The following KDM2A variants were observed in gnomAD, a reference collection of about 807,000 sequenced individuals.
The protein encoded by KDM2A is lysine-specific demethylase 2A.
In KDM2A, 3 loss-of-function variants were observed where a neutral mutation model predicts 137.3. The ratio of observed to expected loss-of-function variants is 0.02; its 90% CI spans 0.01 to 0.06. The LOEUF (loss-of-function observed/expected upper bound fraction) is 0.06. KDM2A is among the 10% of genes least tolerant of loss of function. The pLI is 1.00. For missense variants in KDM2A, 738 were observed against 1,510.6 expected (o/e 0.49, Z 8.48); for synonymous variants, 512 against 541.5 (o/e 0.95, Z 0.76).
rs190080949 is a variant in KDM2A at position 67,163,120 on chromosome 11, A to G, written c.43-16959A>G. ...TTCTGCCCTAGTCAGACTGATATCC[A>G]GAATTTTGCTCTTGCATAACTTCAT... On this transcript the variant is annotated intron_variant, in intron 2 of 20. Transcript: ENST00000529006. 8.4e-4 allele frequency among the ~76,000 whole-genome samples: 128 copies of G among 152,326 alleles called. No individual in the cohort carries two copies. In the Middle Eastern group the frequency reaches 0.01, roughly 12 times the overall value.
intron 15 of KDM2A, among the ~76,000 whole-genome samples, chr11:67,247,065 ATATATATTTTTTTTT>A (rs1173826877): frequency 3.6e-5 from 1 of 27,582 alleles, no homozygotes; most frequent in Non-Finnish European, 6.5e-5. Context: ...ATATATATAT[ATATATATTTTTTTTT>A]TTTTTTTTTT....
At chr11:67,160,271 T>C (rs771807475) in intron 2 of KDM2A, among the ~76,000 whole-genome samples, 1 of 152,208 alleles carries the variant, frequency 6.6e-6, no homozygotes, top group South Asian at 2.1e-4. Context: ...ATTATTGATG[T>C]CTCTGGGTAT....
intron 2 of KDM2A, among the ~76,000 whole-genome samples, chr11:67,175,918 A>G (rs1227334567): frequency 6.6e-6 from 1 of 152,172 alleles, no homozygotes; most frequent in African/African-American, 2.4e-5. Context: ...AGACACATAT[A>G]CAAAATAAGG....
At chr11:67,187,387 C>A (rs1054196404) in intron 5 of KDM2A, among the ~76,000 whole-genome samples, 1 of 151,988 alleles carries the variant, frequency 6.6e-6, no homozygotes, top group African/African-American at 2.4e-5. Context: ...CATGACACAA[C>A]TATATGCTGT....
chr11:67,251,967 C>G (rs966485236), intron 17 of KDM2A, among the ~76,000 whole-genome samples: 1 of 152,180 alleles, frequency 6.6e-6, no homozygotes, highest in Non-Finnish European at 1.5e-5. Context: ...TCTCTCTTCC[C>G]CTGCCAACCA....
intron 2 of KDM2A, among the ~76,000 whole-genome samples, chr11:67,169,828 G>T (rs576683797): frequency 7.3e-6 from 1 of 137,150 alleles, no homozygotes; most frequent in Non-Finnish European, 1.5e-5. Context: ...CGAGATCTCG[G>T]CTCACTGCAA....
At chr11:67,213,988 A>G (rs988217639) in intron 6 of KDM2A, among the ~76,000 whole-genome samples, 2 of 151,910 alleles carry the variant, frequency 1.3e-5, no homozygotes, top group African/African-American at 2.4e-5. Context: ...TTAGCCTCAC[A>G]AGTAGCTAGG....
chr11:67,125,463 A>G (rs188430310), intron 2 of KDM2A, among the ~76,000 whole-genome samples: 1 of 150,906 alleles, frequency 6.6e-6, no homozygotes, highest in East Asian at 2.0e-4. Context: ...TTTGGGGGGA[A>G]AAAAAAATCA....
At chr11:67,147,125 A>C (rs1039249298) in intron 2 of KDM2A, among the ~76,000 whole-genome samples, 1 of 152,184 alleles carries the variant, frequency 6.6e-6, no homozygotes, top group Non-Finnish European at 1.5e-5. Flanking sequence ...GTATGTCATC[A>C]ACTTAAAAAT....
chr11:67,183,473 C>A (rs1015343069), intron 5 of KDM2A, among the ~76,000 whole-genome samples: 1 of 152,208 alleles, frequency 6.6e-6, no homozygotes, highest in Non-Finnish European at 1.5e-5. Context: ...TAGCAAGCAC[C>A]AGGAACTTTT....
chr11:67,255,001 C>T lies in KDM2A; in HGVS notation c.3435C>T (p.Ser1145=). The T allele has an allele frequency of 6.2e-7, 1 of 1,613,452 alleles. No homozygotes were observed. Among genetic ancestry groups the T allele is most frequent in the Non-Finnish European group, 8.5e-7 (1 of 1,179,674 alleles). ...KACEHFISDL[S]INSLYCLSDE... The stretch of plus-strand genomic sequence containing the variant: ...GCGAGCACTTCATCTCAGACTTGTC[C>T]ATCAACAGCCTCTACTGCCTGTCTG... The change falls in exon 21 of 21, where the codon TCC becomes TCT. Residue 1145 remains serine, a synonymous_variant. Transcript: ENST00000529006.
Position 67,222,324 on chromosome 11 carries a change from C to T in KDM2A, c.957+2921C>T, listed in dbSNP as rs1858388315. 9.8e-5 allele frequency among the ~76,000 whole-genome samples: 5 copies of T among 50,846 alleles called. No homozygotes were observed. In the South Asian group the frequency reaches 3.3e-3, roughly 34 times the overall value. The allele number at this position is 50,846 out of a possible 152,430, so 33.4% of individuals were successfully genotyped here. On this transcript the variant is annotated intron_variant, in intron 10 of 20. Coordinates refer to ENST00000529006, the MANE Select transcript of KDM2A (RefSeq NM_012308.3). ...CATCTGTTTAACAAAGCACATCTTG[C>T]ACCGCCCTTAATCCATTTAACCCTG...
chr11:67,160,198 GC>G lies in KDM2A; in HGVS notation c.43-19880del, dbSNP rs776374880. On this transcript the variant is annotated intron_variant, in intron 2 of 20. Coordinates refer to ENST00000529006, the MANE Select transcript of KDM2A (RefSeq NM_012308.3). ...TATAGTTCAGTTCTGTTAGGAACAG[GC>G]AGTGATGTTGTATTTTAGCAATTGC... Among the ~76,000 whole-genome samples the G allele has an allele frequency of 1.1e-4, 17 of 152,290 alleles. No homozygotes were observed. In the South Asian group the frequency reaches 3.5e-3, roughly 32 times the overall value.
intron 12 of KDM2A, among the ~76,000 whole-genome samples, chr11:67,239,660 A>C (rs1858966904): frequency 6.6e-6 from 1 of 152,228 alleles, no homozygotes; most frequent in African/African-American, 2.4e-5. Flanking sequence ...GTGTGTGTGC[A>C]GTCAGCCAGA....
At chr11:67,122,633 TTTTA>T (rs879322643) in intron 2 of KDM2A, among the ~76,000 whole-genome samples, 14 of 147,868 alleles carry the variant, frequency 9.5e-5, no homozygotes, top group East Asian at 2.0e-4. Flanking sequence ...ATGGCCTATT[TTTTA>T]TTTATTTTTA....
intron 2 of KDM2A, among the ~76,000 whole-genome samples, chr11:67,161,054 G>A (rs1288321035): frequency 6.6e-6 from 1 of 152,108 alleles, no homozygotes; most frequent in African/African-American, 2.4e-5. Flanking sequence ...TTTTGCCTGA[G>A]TTAACTGTGG....
chr11:67,244,934 C>T (rs1279566904), intron 13 of KDM2A: 6 of 396,224 alleles, frequency 1.5e-5, no homozygotes, highest in South Asian at 3.3e-5. Context: ...TGCAGTGAGC[C>T]GAGATCATGC....
At chr11:67,178,428 T>C (rs1338969204) in intron 2 of KDM2A, among the ~76,000 whole-genome samples, 1 of 151,944 alleles carries the variant, frequency 6.6e-6, no homozygotes, top group Non-Finnish European at 1.5e-5. Context: ...TAAAATAAAG[T>C]GTACAATCCA....
At chr11:67,161,593 C>A (rs537925724) in intron 2 of KDM2A, among the ~76,000 whole-genome samples, 1 of 152,222 alleles carries the variant, frequency 6.6e-6, no homozygotes, top group African/African-American at 2.4e-5. Flanking sequence ...CTGATTTACT[C>A]AAATTTCATT....
Sources: gnomAD v4.1 joint callset for allele counts (sites outside exome capture counted in the v4.1 genomes callset) on GRCh38, gnomAD v4.1.1 for gene constraint, MANE v1.5 for transcripts, NCBI Gene and HGNC (gene_info 2026-07-23, HGNC 2026-07-21) for gene names.